The following RANBP2 variants were observed in gnomAD, a reference collection of about 807,000 sequenced individuals.
RANBP2 encodes the protein RAN binding protein 2.
A neutral mutation model predicts 303.6 loss-of-function variants in RANBP2; 57 were observed. The ratio of observed to expected loss-of-function variants is 0.19; its 90% CI spans 0.15 to 0.23. The LOEUF (loss-of-function observed/expected upper bound fraction) is 0.23. RANBP2 is among the 10% of genes least tolerant of loss of function. The pLI is 1.00. For synonymous variants in RANBP2, 1,167 were observed against 1,301.5 expected, an observed-to-expected ratio of 0.90 and a Z score of 2.23; for missense variants, 3,138 against 3,780.8, an observed-to-expected ratio of 0.83 and a Z score of 4.46.
At chr2:108,845,560 C>T in the RANBP2 span, among the ~76,000 whole-genome samples, 12 of 138,842 alleles carry the variant, frequency 8.6e-5, no homozygotes, top group African/African-American at 3.2e-4. Flanking sequence ...GAAATGCTTT[C>T]CTTTCATTTG....
chr2:108,820,720 C>CAAAAAAAA, the RANBP2 span, among the ~76,000 whole-genome samples: 1 of 142,712 alleles, frequency 7.0e-6, no homozygotes, highest in Non-Finnish European at 1.5e-5. Context: ...AAAAAACAAA[C>CAAAAAAAA]AACAAAACTG....
the RANBP2 span, among the ~76,000 whole-genome samples, chr2:109,126,015 A>G: frequency 6.6e-6 from 1 of 152,314 alleles, no homozygotes; most frequent in African/African-American, 2.4e-5. Flanking sequence ...AAAAAGCAGC[A>G]CTTCCAACTT....
At chr2:109,652,283 C>T in the RANBP2 span, among the ~76,000 whole-genome samples, 14 of 151,218 alleles carry the variant, frequency 9.3e-5, no homozygotes, top group Non-Finnish European at 1.3e-4. Flanking sequence ...AGCGCAGTGG[C>T]GCCATCTCGG....
chr2:109,482,575 C>G, the RANBP2 span, among the ~76,000 whole-genome samples: 1 of 152,206 alleles, frequency 6.6e-6, no homozygotes, highest in South Asian at 2.1e-4. Context: ...GCGCCCAGCC[C>G]GGGGCCATGA....
the RANBP2 span, among the ~76,000 whole-genome samples, chr2:109,700,305 G>A: frequency 2.0e-5 from 3 of 152,278 alleles, no homozygotes; most frequent in South Asian, 2.1e-4. Flanking sequence ...GAGAATGTGC[G>A]CCTGTGATAC....
the RANBP2 span, among the ~76,000 whole-genome samples, chr2:109,446,558 A>G: frequency 6.6e-6 from 1 of 152,194 alleles, no homozygotes; most frequent in South Asian, 2.1e-4. Flanking sequence ...GGTGGTAGGC[A>G]GGTCTCTAGA....
the RANBP2 span, among the ~76,000 whole-genome samples, chr2:109,634,021 G>A: frequency 2.7e-5 from 4 of 147,022 alleles, no homozygotes; most frequent in African/African-American, 1.0e-4. Flanking sequence ...TCAGGAGGCT[G>A]AGACAGCAGA....
At chr2:109,266,257 G>A in the RANBP2 span, among the ~76,000 whole-genome samples, 1 of 151,568 alleles carries the variant, frequency 6.6e-6, no homozygotes, top group Non-Finnish European at 1.5e-5. Context: ...TGCTGTGTGT[G>A]TTGTGCGTGC....
chr2:109,205,261 CTTTTTTTT>C, the RANBP2 span, among the ~76,000 whole-genome samples: 1 of 135,942 alleles, frequency 7.4e-6, no homozygotes, highest in East Asian at 2.1e-4. Flanking sequence ...ACTTATGTGA[CTTTTTTTT>C]TTTTTTTTTT....
the RANBP2 span, among the ~76,000 whole-genome samples, chr2:109,479,222 C>T: frequency 6.6e-6 from 1 of 152,120 alleles, no homozygotes; most frequent in Non-Finnish European, 1.5e-5. Flanking sequence ...TCCCCTGAGC[C>T]CTGCTTGTGG....
chr2:109,366,259 T>A, the RANBP2 span, among the ~76,000 whole-genome samples: 11 of 152,216 alleles, frequency 7.2e-5, no homozygotes, highest in African/African-American at 2.7e-4. Context: ...TGGGTTTGTA[T>A]CTTACTTTGC....
chr2:109,602,230 G>A, the RANBP2 span, among the ~76,000 whole-genome samples: 1 of 152,306 alleles, frequency 6.6e-6, no homozygotes, highest in South Asian at 2.1e-4. Context: ...CAAGCAATGA[G>A]AGAAAGTTTG....
chr2:108,841,453 G>T, the RANBP2 span, among the ~76,000 whole-genome samples: 1 of 151,948 alleles, frequency 6.6e-6, no homozygotes, highest in Non-Finnish European at 1.5e-5. Flanking sequence ...GTAAATTTAT[G>T]ATTATGTCTT....
the RANBP2 span, among the ~76,000 whole-genome samples, chr2:109,685,963 G>A: frequency 6.6e-6 from 1 of 152,106 alleles, no homozygotes; most frequent in African/African-American, 2.4e-5. Context: ...AAGATATATG[G>A]GTGTTTAAAA....
At chr2:109,595,507 A>C in the RANBP2 span, among the ~76,000 whole-genome samples, 4 of 152,200 alleles carry the variant, frequency 2.6e-5, no homozygotes, top group African/African-American at 7.2e-5. Context: ...GGACAGAAAC[A>C]AAGTGAGAGC....
At chr2:108,789,330 C>T (rs826552), downstream of RANBP2, among the ~76,000 whole-genome samples, 39,375 of 152,070 alleles carry the variant, frequency 0.26, 5,452 homozygotes, top group African/African-American at 0.35. Flanking sequence ...CGGTGGCTCA[C>T]GCCTGTAATC....
Position 108,783,778 on chromosome 2 carries a change from T to G in RANBP2, c.9552T>G (p.Phe3184Leu). The G allele has an allele frequency of 6.2e-7, 1 of 1,612,526 alleles. No individual in the cohort carries two copies. The highest frequency in any genetic ancestry group is 8.5e-7 in the Non-Finnish European group (1 of 1,178,548). ...ITLKKAEHLDFKHVVFGFVKD... is the reference protein window; with the variant it reads ...ITLKKAEHLDLKHVVFGFVKD... ...TGAAGAAAGCAGAACATTTGGACTT[T>G]AAGCATGTAGTATTTGGGTTTGTTA... The change falls in exon 29 of 29, where the codon TTT becomes TTG. Residue 3184 changes from phenylalanine (F) to leucine (L), a missense_variant. Phe to Leu is a conservative substitution (Grantham distance 22). This residue lies in a region of RANBP2 where 204 missense variants were observed against 228.4 expected (regional missense o/e 0.89). Coordinates refer to ENST00000283195, the MANE Select transcript of RANBP2 (RefSeq NM_006267.5).
At chr2:109,253,980 C>T in the RANBP2 span, among the ~76,000 whole-genome samples, 1 of 151,814 alleles carries the variant, frequency 6.6e-6, no homozygotes. Flanking sequence ...GGGCCTGGCC[C>T]CTGAGATGTG....
the RANBP2 span, among the ~76,000 whole-genome samples, chr2:109,198,118 C>T: frequency 6.6e-6 from 1 of 152,152 alleles, no homozygotes; most frequent in Non-Finnish European, 1.5e-5. Context: ...TTTGAAGTCT[C>T]TCAGTACCCT....
Sources: allele counts gnomAD v4.1 joint callset (sites outside exome capture counted in the v4.1 genomes callset), GRCh38; gene constraint gnomAD v4.1.1; regional missense constraint gnomAD v4.1.1; transcripts MANE v1.5; gene names NCBI Gene and HGNC (gene_info 2026-07-23, HGNC 2026-07-21).